The following FILIP1 variants were observed in gnomAD, a reference collection of about 807,000 sequenced individuals.
FILIP1 encodes filamin-A-interacting protein 1.
Under a neutral mutation model 102.1 loss-of-function variants are expected in FILIP1, and 61 were observed. The ratio of observed to expected loss-of-function variants is 0.60; its 90% confidence interval spans 0.49 to 0.74. FILIP1 has a LOEUF of 0.74. FILIP1 is among the 30% of genes least tolerant of loss of function. FILIP1 has a pLI of 0.00. For missense variants in FILIP1, 1,314 were observed against 1,441.2 expected, an observed-to-expected ratio of 0.91 and a Z score of 1.43; for synonymous variants, 491 against 526.9, an observed-to-expected ratio of 0.93 and a Z score of 0.93.
intron 4 of FILIP1, among the ~76,000 whole-genome samples, chr6:75,336,097 TG>T (rs1473649026): frequency 1.3e-5 from 2 of 152,234 alleles, no homozygotes; most frequent in African/African-American, 4.8e-5. Flanking sequence ...GTTGTTGTTT[TG>T]TTTTTTAGCT....
chr6:75,448,711 T>C (rs964794616), intron 1 of FILIP1, among the ~76,000 whole-genome samples: 2 of 152,072 alleles, frequency 1.3e-5, no homozygotes, highest in African/African-American at 2.4e-5. Context: ...CAAAAGAAGA[T>C]ACACAAATGG....
At chr6:75,309,369 C>T (rs529076680) in intron 5 of FILIP1, among the ~76,000 whole-genome samples, 4 of 152,248 alleles carry the variant, frequency 2.6e-5, no homozygotes, top group African/African-American at 7.2e-5. Flanking sequence ...TAAAGTGCTC[C>T]TAACACTGTC....
In FILIP1 at chr6:75,421,229, A is replaced by G. The variant is rs1777453290; in HGVS notation, c.-6-6251T>C. On this transcript the variant is annotated intron_variant, in intron 1 of 5. Transcript: ENST00000237172. ...AAAATAGGAGTATAAATGACAGCAG[A>G]TGAGGATGAGAGATGTCAACACAAT... Among the ~76,000 whole-genome samples the G allele has an allele frequency of 2.0e-5, 3 of 152,224 alleles. No individual in the cohort carries two copies. In the South Asian group the frequency reaches 6.2e-4, roughly 32 times the overall value.
intron 1 of FILIP1, among the ~76,000 whole-genome samples, chr6:75,467,026 T>A (rs766986656): frequency 3.2e-4 from 48 of 152,270 alleles, no homozygotes; most frequent in Middle Eastern, 6.8e-3. Context: ...TTAACTCTCT[T>A]TTCTCCTTTA....
In FILIP1 at chr6:75,362,800, T is replaced by C; in HGVS notation, c.394A>G (p.Ile132Val). 1.9e-6 allele frequency: 3 copies of C among 1,613,998 alleles called. No homozygotes were observed. The highest frequency in any genetic ancestry group is 2.5e-6 in the Non-Finnish European group (3 of 1,180,026). ...CCTATGGATTTCTCCTGGGCAAGAA[T>C]GGCATCTCGGTGCAGGACCCGCAGC... ...KVLRVLHRDA[I>V]LAQEKSIGED... is the part of the protein sequence containing the mutation. The change falls in exon 3 of 6, where the codon ATT becomes GTT. Residue 132 changes from isoleucine (I) to valine (V), a missense_variant. Coordinates refer to ENST00000237172, the MANE Select transcript of FILIP1 (RefSeq NM_015687.5).
intron 6 of FILIP1, among the ~76,000 whole-genome samples, chr6:75,299,019 T>A (rs1054905527): frequency 6.6e-6 from 1 of 151,742 alleles, no homozygotes; most frequent in African/African-American, 2.4e-5. Context: ...AAAAAAAAAA[T>A]TAAATAAATT....
At chr6:75,302,745 A>G (rs1162895999) in intron 6 of FILIP1, among the ~76,000 whole-genome samples, 1 of 152,114 alleles carries the variant, frequency 6.6e-6, no homozygotes, top group Non-Finnish European at 1.5e-5. Context: ...TGCCTCAAGT[A>G]CATAGCATTG....
intron 4 of FILIP1, among the ~76,000 whole-genome samples, chr6:75,320,569 C>G (rs1222234211): frequency 1.3e-5 from 2 of 151,818 alleles, no homozygotes. Flanking sequence ...AGAACAAGAC[C>G]CTATCTCAAA....
intron 2 of FILIP1, among the ~76,000 whole-genome samples, chr6:75,395,631 C>T (rs888734861): frequency 6.6e-6 from 1 of 152,092 alleles, no homozygotes; most frequent in East Asian, 1.9e-4. Flanking sequence ...TGGTGTTTTG[C>T]CTAATTTTTG....
intron 1 of FILIP1, among the ~76,000 whole-genome samples, chr6:75,489,841 G>A (rs114623136): frequency 5.7e-4 from 86 of 151,930 alleles, no homozygotes; most frequent in African/African-American, 2.0e-3. Context: ...ATGTAAAAAT[G>A]AATTTATACT....
At chr6:75,335,026 A>T in intron 4 of FILIP1, among the ~76,000 whole-genome samples, 1 of 152,270 alleles carries the variant, frequency 6.6e-6, no homozygotes, top group African/African-American at 2.4e-5. Context: ...TGAAATAAAG[A>T]AAAGATATGC....
intron 1 of FILIP1, among the ~76,000 whole-genome samples, chr6:75,448,551 CAGAGT>C (rs199681078): frequency 0.013 from 2,039 of 152,152 alleles, 40 homozygotes; most frequent in African/African-American, 0.046. Flanking sequence ...AAATAATGAG[CAGAGT>C]AAATACACAA....
At chr6:75,388,121 A>G (rs1026676143) in intron 2 of FILIP1, among the ~76,000 whole-genome samples, 3 of 152,162 alleles carry the variant, frequency 2.0e-5, no homozygotes, top group African/African-American at 7.2e-5. Flanking sequence ...TTTTCCCAAC[A>G]CCATTTATTA....
At chr6:75,477,102 C>T (rs1779495922) in intron 1 of FILIP1, among the ~76,000 whole-genome samples, 1 of 152,076 alleles carries the variant, frequency 6.6e-6, no homozygotes, top group South Asian at 2.1e-4. Flanking sequence ...ATAAAAGTGC[C>T]TTGATTTTGT....
intron 5 of FILIP1, 92 bp downstream of exon 5, chr6:75,312,305 T>A: frequency 1.6e-6 from 2 of 1,244,362 alleles, no homozygotes; most frequent in Non-Finnish European, 2.3e-6. Context: ...ATGAGAAGCA[T>A]GTGGCTGGGT....
chr6:75,362,617 A>T, intron 3 of FILIP1, 127 bp downstream of exon 3: 1 of 736,318 alleles, frequency 1.4e-6, no homozygotes, highest in Non-Finnish European at 2.2e-6. Context: ...ATTACACTTT[A>T]ATTGTATATT....
chr6:75,374,374 G>T (rs935942642), intron 2 of FILIP1, among the ~76,000 whole-genome samples: 1 of 152,070 alleles, frequency 6.6e-6, no homozygotes, highest in Non-Finnish European at 1.5e-5. Flanking sequence ...CAGGTGAGAA[G>T]CTGAATTCTT....
intron 1 of FILIP1, among the ~76,000 whole-genome samples, chr6:75,432,309 G>A (rs969652848): frequency 1.3e-5 from 2 of 152,082 alleles, no homozygotes; most frequent in African/African-American, 2.4e-5. Flanking sequence ...TATTGTTTTC[G>A]AATTATTTTC....
chr6:75,425,660 A>G (rs1382118691), intron 1 of FILIP1, among the ~76,000 whole-genome samples: 1 of 152,018 alleles, frequency 6.6e-6, no homozygotes, highest in Admixed American at 6.6e-5. Flanking sequence ...AACCCCACAC[A>G]TGTATTCTGT....
Sources: allele counts gnomAD v4.1 joint callset (sites outside exome capture counted in the v4.1 genomes callset), GRCh38; gene constraint gnomAD v4.1.1; transcripts MANE v1.5; gene names NCBI Gene and HGNC (gene_info 2026-07-23, HGNC 2026-07-21).